The following DNAAF2 variants were observed in gnomAD, a reference collection of about 807,000 sequenced individuals.
The protein encoded by DNAAF2 is protein kintoun.
Under a neutral mutation model 48.8 loss-of-function variants are expected in DNAAF2, and 58 were observed. The ratio of observed to expected loss-of-function variants is 1.19; its 90% confidence interval spans 0.96 to 1.48. The LOEUF (loss-of-function observed/expected upper bound fraction) is 1.48, where lower values mean the gene tolerates loss of function less well. Ranked by LOEUF, DNAAF2 falls within the 40% of genes most tolerant of loss-of-function variation. The pLI is 0.00. For synonymous variants in DNAAF2, 567 were observed against 481.2 expected (o/e 1.18, Z -2.33); for missense variants, 1,241 against 1,116.1 (o/e 1.11, Z -1.59).
rs1882969138 is a variant in DNAAF2, at chr14:49,625,254, A to C, written c.*288T>G. 5.2e-6 allele frequency: 1 copy of C among 192,020 alleles called. No homozygotes were observed. Among genetic ancestry groups the C allele is most frequent in the African/African-American group, 2.3e-5 (1 of 42,808 alleles). The allele number at this position is 192,020 out of a possible 1,614,324, so 11.9% of individuals were successfully genotyped here. On this transcript the variant is annotated 3_prime_UTR_variant, in exon 3 of 3. Transcript: ENST00000298292. ...TATATACATAGGTTGTATTAAAACT[A>C]AATGTTTTAACTCTCAAATGTTTTA...
chr14:49,635,009 C>A lies in DNAAF2; in HGVS notation c.141G>T (p.Glu47Asp). 1 of 1,569,066 alleles carries A rather than the reference C, an allele frequency of 6.4e-7. No individual in the cohort carries two copies. The highest frequency in any genetic ancestry group is 2.4e-5 in the East Asian group (1 of 42,108). Residue 47 changes from glutamate to aspartate, a missense_variant, in exon 1 of 3, where the codon GAG becomes GAT. Physicochemically the swap from Glu to Asp is conservative, Grantham distance 45. Transcript: ENST00000298292. ...SQYAEELTDP[E>D]NRRRYEAEIT... ...TCTCCGCCTCGTAGCGCCGCCGGTT[C>A]TCCGGGTCGGTGAGCTCCTCGGCGT...
intron 1 of DNAAF2, chr14:49,629,397 C>A (rs980635485): frequency 6.6e-6 from 1 of 152,566 alleles, no homozygotes; most frequent in East Asian, 1.9e-4. Context: ...TCCACCTGTG[C>A]CCCCAAGTGC....
chr14:49,633,783 G>A lies in DNAAF2; in HGVS notation c.1367C>T (p.Pro456Leu), dbSNP rs137991407. The A allele has an allele frequency of 1.3e-3, 2,082 of 1,593,556 alleles. 32 individuals are homozygous for A. In the African/African-American group the frequency reaches 0.024, roughly 18 times the overall value. Residue 456 changes from proline to leucine, a missense_variant, in exon 1 of 3, where the codon CCT (proline) becomes CTT (leucine). Physicochemically the swap from Pro to Leu is moderately conservative, Grantham distance 98. Coordinates refer to ENST00000298292, the MANE Select transcript of DNAAF2 (RefSeq NM_018139.3). Reference protein sequence around the residue: ...SPPGSVEEPSPGGENSPGGGG... With the variant: ...SPPGSVEEPSLGGENSPGGGG... Reference sequence around the variant, plus strand: ...GCCACCAGGTGAGTTTTCTCCTCCAGGAGATGGCTCCTCCACGCTGCCCGG... The same window carrying A: ...GCCACCAGGTGAGTTTTCTCCTCCAAGAGATGGCTCCTCCACGCTGCCCGG...
At position 49,634,796 on chromosome 14, in the gene DNAAF2, G is replaced by A; in HGVS notation, c.354C>T (p.His118=). ...GCGCCAGGCTGTAGGGCAGGGACCA[G>A]TGGCTGCCAGGAGCTGCGCCCCGGT... The part of the protein sequence containing the change: ...GGDRGAAPGS[H]WSLPYSLAPG... Residue 118 remains histidine, a synonymous_variant, in exon 1 of 3, where the codon CAC becomes CAT. Transcript: ENST00000298292. The A allele has an allele frequency of 2.6e-6, 4 of 1,565,316 alleles. No individual in the cohort carries two copies. The highest frequency in any genetic ancestry group is 3.5e-6 in the Non-Finnish European group (4 of 1,158,808).
chr14:49,625,752 A>G lies in DNAAF2; in HGVS notation c.2304T>C (p.Asp768=), dbSNP rs774741592. 1 of 1,612,380 alleles carries G rather than the reference A, an allele frequency of 6.2e-7. No individual in the cohort carries two copies. The highest frequency in any genetic ancestry group is 8.5e-7 in the Non-Finnish European group (1 of 1,179,442). ...CAGTTATTACTGACTCGTTTAAGTT[A>G]TCTTTTTCCTCATTTGAACAAGTAG... ...KSATCSNEEK[D]NLNESVITEE... Residue 768 remains aspartate (D), a synonymous_variant, in exon 3 of 3, where the codon GAT becomes GAC. Coordinates refer to ENST00000298292, the MANE Select transcript of DNAAF2 (RefSeq NM_018139.3).
At chr14:49,630,715 C>CT (rs1883134330) in intron 1 of DNAAF2, among the ~76,000 whole-genome samples, 1 of 51,746 alleles carries the variant, frequency 1.9e-5, no homozygotes, top group African/African-American at 4.3e-5. Flanking sequence ...ACTCTCTACA[C>CT]ACACACACAC....
rs1882989475 is a variant in DNAAF2 at position 49,625,820 on chromosome 14, G to A, written c.2236C>T (p.Pro746Ser). The A allele has an allele frequency of 1.2e-6, 2 of 1,608,390 alleles. No individual in the cohort carries two copies. The highest frequency in any genetic ancestry group is 1.7e-6 in the Non-Finnish European group (2 of 1,178,302). Residue 746 changes from proline (P) to serine (S), a missense_variant, in exon 3 of 3, where the codon CCT (proline) becomes TCT (serine). Transcript: ENST00000298292. ...AATTCAGATTGCATTTTTGACTCAG[G>A]TTGCTGAGATTTTCCAAGTATCATT... ...SQMILGKSQQ[P>S]ESKMQSEFIK...
chr14:49,625,400 A>T lies in DNAAF2; in HGVS notation c.*142T>A. The T allele has an allele frequency of 1.8e-6, 1 of 561,424 alleles. No individual in the cohort carries two copies. The highest frequency in any genetic ancestry group is 2.7e-6 in the Non-Finnish European group (1 of 373,198). The allele number at this position is 561,424 out of a possible 1,614,324, so 34.8% of individuals were successfully genotyped here. A position where few individuals can be genotyped will look rare whatever the true frequency, so the allele number is the denominator to read the frequency against. ...ATCTCCAATTTCCCCCATGAGAATC[A>T]AAATTGCAATTTTTTAAAAAAAATT... On this transcript the variant is annotated 3_prime_UTR_variant, in exon 3 of 3. Coordinates refer to ENST00000298292, the MANE Select transcript of DNAAF2 (RefSeq NM_018139.3).
intron 1 of DNAAF2, among the ~76,000 whole-genome samples, chr14:49,630,308 C>T (rs1010913233): frequency 1.3e-5 from 2 of 152,008 alleles, no homozygotes; most frequent in East Asian, 1.9e-4. Flanking sequence ...TAAACTATTA[C>T]TAGAAAATGC....
chr14:49,634,331 G>C lies in DNAAF2; in HGVS notation c.819C>G (p.Asp273Glu). The C allele has an allele frequency of 6.2e-7, 1 of 1,611,604 alleles. No homozygotes were observed. The highest frequency in any genetic ancestry group is 8.5e-7 in the Non-Finnish European group (1 of 1,179,612). Residue 273 changes from aspartate (D) to glutamate (E), a missense_variant, in exon 1 of 3, where the codon GAC becomes GAG. Coordinates refer to ENST00000298292, the MANE Select transcript of DNAAF2 (RefSeq NM_018139.3). ...VDLQDYRCSR[D>E]SAPSPVPHEL... The stretch of plus-strand genomic sequence containing the variant: ...CATGGGGCACGGGGCTCGGGGCTGA[G>C]TCCCTGGAGCAGCGGTAATCCTGGA...
chr14:49,635,004 C>T lies in DNAAF2; in HGVS notation c.146G>A (p.Arg49Gln). Residue 49 changes from arginine (R) to glutamine (Q), a missense_variant, in exon 1 of 3, where the codon CGG (arginine) becomes CAG (glutamine). Physicochemically the swap from Arg to Gln is conservative, Grantham distance 43. Transcript: ENST00000298292. The stretch of plus-strand genomic sequence containing the variant: ...GGTGATCTCCGCCTCGTAGCGCCGC[C>T]GGTTCTCCGGGTCGGTGAGCTCCTC... ...YAEELTDPEN[R>Q]RRYEAEITAL... The T allele has an allele frequency of 6.4e-7, 1 of 1,567,458 alleles. No individual in the cohort carries two copies. Among genetic ancestry groups the T allele is most frequent in the Non-Finnish European group, 8.6e-7 (1 of 1,156,588 alleles).
In DNAAF2 at chr14:49,633,854, G is replaced by A. The variant is rs1883241208; in HGVS notation, c.1296C>T (p.Val432=). 6.4e-7 allele frequency: 1 copy of A among 1,554,950 alleles called. No individual in the cohort carries two copies. The highest frequency in any genetic ancestry group is 8.6e-7 in the Non-Finnish European group (1 of 1,157,904). ...PPPAAAGEER[V]PKPGEQDLSR... The stretch of plus-strand genomic sequence containing the variant: ...TCAAGTCCTGCTCCCCCGGCTTGGG[G>A]ACACGCTCCTCTCCAGCTGCGGCCG... Residue 432 remains valine (V), a synonymous_variant, in exon 1 of 3, where the codon GTC becomes GTT. Transcript: ENST00000298292.
In DNAAF2 at chr14:49,628,024, T is replaced by C; in HGVS notation, c.1995A>G (p.Gln665=). The stretch of plus-strand genomic sequence containing the variant: ...TCAACTTCCTTACCTTTGCATTAAT[T>C]TGAATCTTATTATCAGTAACTTGAA... The part of the protein sequence containing the change: ...EVLQVTDNKI[Q]INAKLQECSN... Residue 665 remains glutamine (Q), a synonymous_variant, in exon 2 of 3, where the codon CAA becomes CAG. Transcript: ENST00000298292. 1 of 1,567,442 alleles carries C rather than the reference T, an allele frequency of 6.4e-7. No individual in the cohort carries two copies.
chr14:49,627,977 C>T, intron 2 of DNAAF2, 35 bp downstream of exon 2: 1 of 1,513,760 alleles, frequency 6.6e-7, no homozygotes, highest in Non-Finnish European at 8.8e-7. Context: ...CTCTGTGCTT[C>T]ATTACTCCTC....
intron 1 of DNAAF2, among the ~76,000 whole-genome samples, chr14:49,631,562 T>A (rs1883166117): frequency 6.6e-6 from 1 of 152,004 alleles, no homozygotes; most frequent in Non-Finnish European, 1.5e-5. Context: ...GAGGTGGAGC[T>A]TGCAGTGAGT....
rs764410458 is a variant in DNAAF2 at position 49,633,451 on chromosome 14, C to T, written c.1699G>A (p.Val567Ile). Residue 567 changes from valine to isoleucine, a missense_variant, in exon 1 of 3, where the codon GTT becomes ATT. Physicochemically the swap from Val to Ile is conservative, Grantham distance 29. Transcript: ENST00000298292. ...YKLRFSAQDL[V>I]YSFFLQFAPE... ...GCAAATTGCAAAAAGAAGGAATAAA[C>T]TAAGTCTTGTGCGGAGAAGCGTAAT... The T allele has an allele frequency of 3.1e-6, 5 of 1,613,954 alleles. No individual in the cohort carries two copies. The highest frequency in any genetic ancestry group is 1.1e-5 in the South Asian group (1 of 91,094).
chr14:49,625,943 TA>T lies in DNAAF2; in HGVS notation c.2112del (p.Thr705GlnfsTer8). ...EKEYIEHCNT[P>X]TTDSDSSIAV... ...GCTATAGATGAATCAGAATCAGTTGTAGGGGTGTTACAATGTTCTATATATT... is the reference window on the plus strand; with the variant it reads ...GCTATAGATGAATCAGAATCAGTTGTGGGGTGTTACAATGTTCTATATATT... On this transcript the variant is annotated frameshift_variant, in exon 3 of 3. Coordinates refer to ENST00000298292, the MANE Select transcript of DNAAF2 (RefSeq NM_018139.3). LOFTEE classifies it low-confidence loss of function (END_TRUNC). The T allele has an allele frequency of 6.2e-7, 1 of 1,613,110 alleles. No homozygotes were observed. The highest frequency in any genetic ancestry group is 8.5e-7 in the Non-Finnish European group (1 of 1,179,678).
At position 49,633,568 on chromosome 14, in the gene DNAAF2, T is replaced by A. The variant is rs553512675; in HGVS notation, c.1582A>T (p.Asn528Tyr). ...GEPLCPPLLC[N>Y]QDKETLTLLI... ...AGAGTCAAGGTTTCTTTGTCCTGAT[T>A]ACACAGTAACGGAGGACACAAAGGC... The change falls in exon 1 of 3, where the codon AAT becomes TAT. Residue 528 changes from asparagine (N) to tyrosine (Y), a missense_variant. Coordinates refer to ENST00000298292, the MANE Select transcript of DNAAF2 (RefSeq NM_018139.3). 2 of 1,613,986 alleles carry A rather than the reference T, an allele frequency of 1.2e-6. No individual in the cohort carries two copies. The highest frequency in any genetic ancestry group is 3.3e-5 in the Admixed American group (2 of 60,028).
chr14:49,634,203 T>C lies in DNAAF2; in HGVS notation c.947A>G (p.Tyr316Cys), dbSNP rs780883055. The part of the protein sequence containing the change: ...LLCLDSRKPD[Y>C]RLRLSLPYPV... ...GTACGGGAGCGAGAGCCGCAGCCGG[T>C]AGTCAGGTTTCCTCGAGTCGAGGCA... is the stretch of plus-strand genomic sequence containing the variant. Residue 316 changes from tyrosine (Y) to cysteine (C), a missense_variant, in exon 1 of 3, where the codon TAC (tyrosine) becomes TGC (cysteine). Tyr to Cys is a radical substitution (Grantham distance 194). Transcript: ENST00000298292. The C allele has an allele frequency of 1.9e-6, 3 of 1,611,752 alleles. No homozygotes were observed. Among genetic ancestry groups the C allele is most frequent in the East Asian group, 4.5e-5 (2 of 44,808 alleles).
Sources: allele counts gnomAD v4.1 joint callset (sites outside exome capture counted in the v4.1 genomes callset), GRCh38; gene constraint gnomAD v4.1.1; transcripts MANE v1.5; gene names NCBI Gene and HGNC (gene_info 2026-07-23, HGNC 2026-07-21).